ITGA9: variants seen among roughly 807,000 people sequenced by gnomAD.
ITGA9 encodes the protein integrin alpha-9.
Under a neutral mutation model 127.8 loss-of-function variants are expected in ITGA9, and 56 were observed. The observed-to-expected ratio is 0.44, with a 90% CI of 0.35 to 0.55. ITGA9 has a LOEUF of 0.55. Ranked by LOEUF, ITGA9 falls within the 20% of genes least tolerant of loss-of-function variation. ITGA9 has a pLI of 0.00. For missense variants in ITGA9, 1,196 were observed against 1,347.1 expected (o/e 0.89, Z 1.76); for synonymous variants, 508 against 514.5 (o/e 0.99, Z 0.17).
At chr3:37,457,825 C>G (rs1579037133) in intron 1 of ITGA9, among the ~76,000 whole-genome samples, 1 of 152,190 alleles carries the variant, frequency 6.6e-6, no homozygotes, top group Non-Finnish European at 1.5e-5. Context: ...GGGGCAGAGA[C>G]AGCTGTCTTG....
intron 19 of ITGA9, chr3:37,733,078 C>T: frequency 2.2e-6 from 1 of 444,606 alleles, no homozygotes; most frequent in Non-Finnish European, 4.2e-6. Flanking sequence ...TTAGCACGTG[C>T]CATTTAGTTG....
At chr3:37,707,346 T>C (rs748604989) in intron 18 of ITGA9, among the ~76,000 whole-genome samples, 4 of 152,248 alleles carry the variant, frequency 2.6e-5, no homozygotes, top group Admixed American at 6.5e-5. Context: ...CAGAAGTGGT[T>C]GCACCTTCAG....
In ITGA9 at chr3:37,651,141, G is replaced by A. The variant is rs370120179; in HGVS notation, c.1840-2573G>A. On this transcript the variant is annotated intron_variant, in intron 16 of 27. Transcript: ENST00000264741. ...TGTGCATGTGTGCATATACACACAC[G>A]CACTGTGTGTGTGTATATGTCAAAC... is the stretch of plus-strand genomic sequence containing the variant. Among the ~76,000 whole-genome samples the A allele has an allele frequency of 2.6e-5, 4 of 152,208 alleles. No individual in the cohort carries two copies. In the South Asian group the frequency reaches 8.3e-4, roughly 32 times the overall value.
chr3:37,820,847 G>T lies in ITGA9; in HGVS notation c.*1858G>T, dbSNP rs1697505111. The T allele has an allele frequency of 6.6e-6, 1 of 152,210 alleles. No individual in the cohort carries two copies. The highest frequency in any genetic ancestry group is 2.4e-5 in the African/African-American group (1 of 41,458). 9.4% of individuals were successfully genotyped at this position (152,210 alleles called of 1,614,324 possible). On this transcript the variant is annotated 3_prime_UTR_variant, in exon 28 of 28. Transcript: ENST00000264741. ...TATAAAACCAAGGGTCTTTCTTATA[G>T]CACCTTTTTTACTGGAAGCTAACAC...
rs184633436 is a variant in ITGA9 at position 37,579,123 on chromosome 3, C to T, written c.1689+36538C>T. 1.7e-3 allele frequency among the ~76,000 whole-genome samples: 258 copies of T among 152,238 alleles called. 5 individuals are homozygous for T. Among genetic ancestry groups the T allele is most frequent in the Admixed American group, 0.017 (254 of 15,300 alleles). On this transcript the variant is annotated intron_variant, in intron 15 of 27. Coordinates refer to ENST00000264741, the MANE Select transcript of ITGA9 (RefSeq NM_002207.3). ...GCAGTGTGCATAGTCCCAGGGAAGC[C>T]GTCTCATGAGCCCCTCCTTCTCTTG... is the stretch of plus-strand genomic sequence containing the variant.
At chr3:37,579,856 C>T (rs1699688975) in intron 15 of ITGA9, among the ~76,000 whole-genome samples, 1 of 152,172 alleles carries the variant, frequency 6.6e-6, no homozygotes, top group African/African-American at 2.4e-5. Context: ...GATTCAGATT[C>T]AGCCCTTGCC....
chr3:37,777,469 C>A lies in ITGA9; in HGVS notation c.2619C>A (p.Ile873=), dbSNP rs1240823094. 1.2e-6 allele frequency: 2 copies of A among 1,614,048 alleles called. No individual in the cohort carries two copies. The highest frequency in any genetic ancestry group is 2.7e-5 in the African/African-American group (2 of 75,052). ...PCIIPQEQEN[I]FHTIFAFFTK... is the part of the protein sequence containing the mutation. ...TCATCCCTCAAGAACAAGAAAATAT[C>A]TTCCACACAATATTTGCTTTTTTCA... is the stretch of plus-strand genomic sequence containing the variant. Residue 873 remains isoleucine, a synonymous_variant, in exon 24 of 28, where the codon ATC becomes ATA. Coordinates refer to ENST00000264741, the MANE Select transcript of ITGA9 (RefSeq NM_002207.3).
At chr3:37,657,887 G>A (rs1420094785) in intron 17 of ITGA9, among the ~76,000 whole-genome samples, 2 of 152,126 alleles carry the variant, frequency 1.3e-5, no homozygotes, top group South Asian at 2.1e-4. Flanking sequence ...ATTCTGGTAT[G>A]TTGTGTCTTT....
rs546704738 is a variant in ITGA9 at position 37,666,203 on chromosome 3, A to G, written c.1916+12413A>G. Among the ~76,000 whole-genome samples the G allele has an allele frequency of 3.9e-5, 6 of 152,308 alleles. No homozygotes were observed. The South Asian group carries it at 1.0e-3, about 26-fold the overall frequency. On this transcript the variant is annotated intron_variant, in intron 17 of 27. Transcript: ENST00000264741. ...AAGCACAAGGGAGGCAGCACTCTAC[A>G]TGGTCTGAGGTTGAGTTCTCCTAGA... is the stretch of plus-strand genomic sequence containing the variant.
At chr3:37,534,359 C>G (rs1699188189) in intron 14 of ITGA9, among the ~76,000 whole-genome samples, 1 of 152,240 alleles carries the variant, frequency 6.6e-6, no homozygotes, top group African/African-American at 2.4e-5. Flanking sequence ...GTCAGCATCA[C>G]TGGGAACTTG....
At chr3:37,695,986 T>C (rs1700881406) in intron 18 of ITGA9, among the ~76,000 whole-genome samples, 1 of 152,206 alleles carries the variant, frequency 6.6e-6, no homozygotes, top group East Asian at 1.9e-4. Flanking sequence ...CTGATGGTGC[T>C]TTTTGGTTTC....
intron 25 of ITGA9, among the ~76,000 whole-genome samples, chr3:37,780,980 G>A (rs912175286): frequency 1.3e-5 from 2 of 152,220 alleles, no homozygotes; most frequent in African/African-American, 4.8e-5. Context: ...GTGGTCCGAG[G>A]ACCAGCAGCA....
At chr3:37,764,371 T>C (rs1800) in intron 23 of ITGA9, among the ~76,000 whole-genome samples, 52,215 of 150,288 alleles carry the variant, frequency 0.35, 9,667 homozygotes, top group Middle Eastern at 0.49. Context: ...CCTGGTTTAC[T>C]ATCTGAGAAC....
chr3:37,569,777 A>G (rs1009448127), intron 15 of ITGA9, among the ~76,000 whole-genome samples: 1 of 152,256 alleles, frequency 6.6e-6, no homozygotes, highest in African/African-American at 2.4e-5. Context: ...CAAATATTGT[A>G]TAAAGTTACC....
chr3:37,765,549 G>T (rs1696770445), intron 23 of ITGA9, among the ~76,000 whole-genome samples: 1 of 152,146 alleles, frequency 6.6e-6, no homozygotes, highest in Non-Finnish European at 1.5e-5. Context: ...GATTAGGTTT[G>T]CCTTAAATCT....
intron 13 of ITGA9, among the ~76,000 whole-genome samples, chr3:37,531,162 A>G (rs1357523187): frequency 1.3e-5 from 2 of 151,976 alleles, no homozygotes; most frequent in Non-Finnish European, 2.9e-5. Context: ...GGACTGTGAG[A>G]CACAGTCTCC....
At chr3:37,502,919 A>C (rs146505611) in intron 5 of ITGA9, among the ~76,000 whole-genome samples, 2 of 152,266 alleles carry the variant, frequency 1.3e-5, no homozygotes, top group African/African-American at 2.4e-5. Flanking sequence ...CTCATCGTGG[A>C]TAGAATAGGG....
chr3:37,686,840 C>G (rs1001045539), intron 18 of ITGA9, among the ~76,000 whole-genome samples: 4 of 152,108 alleles, frequency 2.6e-5, no homozygotes, highest in Admixed American at 2.0e-4. Context: ...TTCCAGGACT[C>G]CAGCCACGCT....
Position 37,533,432 on chromosome 3 carries a change from T to C in ITGA9, c.1492T>C (p.Phe498Leu). 1 of 1,614,202 alleles carries C rather than the reference T, an allele frequency of 6.2e-7. No homozygotes were observed. Among genetic ancestry groups the C allele is most frequent in the Non-Finnish European group, 8.5e-7 (1 of 1,180,032 alleles). The change falls in exon 14 of 28, where the codon TTC becomes CTC. Residue 498 changes from phenylalanine (F) to leucine (L), a missense_variant. Transcript: ENST00000264741. ...PVNCLNVTTC[F>L]SFHGKHVPGE... is the part of the protein sequence containing the mutation. ...GAACTGCCTGAACGTCACCACCTGC[T>C]TCAGCTTCCATGGCAAACACGTTCC...
Sources: gnomAD v4.1 joint callset for allele counts (sites outside exome capture counted in the v4.1 genomes callset) on GRCh38, gnomAD v4.1.1 for gene constraint, MANE v1.5 for transcripts, NCBI Gene and HGNC (gene_info 2026-07-23, HGNC 2026-07-21) for gene names.